The following TEX36 variants were observed in gnomAD, a reference collection of about 807,000 sequenced individuals.
TEX36 encodes testis-expressed protein 36.
TEX36 carries 12 observed loss-of-function variants against 13.6 expected under a neutral mutation model. The ratio of observed to expected loss-of-function variants is 0.88; its 90% confidence interval spans 0.56 to 1.43. TEX36 has a LOEUF of 1.43. TEX36 is among the 40% of genes most tolerant of loss of function. The pLI is 0.00. For synonymous variants in TEX36, 93 were observed against 83.0 expected, an observed-to-expected ratio of 1.12 and a Z score of -0.65; for missense variants, 224 against 228.3, an observed-to-expected ratio of 0.98 and a Z score of 0.12.
chr10:125,644,931 T>A (rs894950691), intron 3 of TEX36, among the ~76,000 whole-genome samples: 1 of 152,140 alleles, frequency 6.6e-6, no homozygotes, highest in African/African-American at 2.4e-5. Context: ...TTGCTGGGAT[T>A]GGAGATGGAG....
At chr10:125,582,826 A>G (rs1845899459) in intron 3 of TEX36, among the ~76,000 whole-genome samples, 1 of 152,220 alleles carries the variant, frequency 6.6e-6, no homozygotes, top group Admixed American at 6.5e-5. Context: ...CATTTTAATA[A>G]TGTCAATATA....
Position 125,629,332 on chromosome 10 carries a change from C to A in TEX36, c.265-7687G>T, listed in dbSNP as rs180857494. Among the ~76,000 whole-genome samples, 3 of 152,290 alleles carry A rather than the reference C, an allele frequency of 2.0e-5. No individual in the cohort carries two copies. In the East Asian group the frequency reaches 5.8e-4, roughly 29 times the overall value. On this transcript the variant is annotated intron_variant, in intron 3 of 3. Transcript: ENST00000526819. ...TGTTCTGAGAAACCTGTTTCCTCATCTTTCTTGAAGAAATTGAGGCGACTT... is the reference window on the plus strand; with the variant it reads ...TGTTCTGAGAAACCTGTTTCCTCATATTTCTTGAAGAAATTGAGGCGACTT...
intron 1 of TEX36, among the ~76,000 whole-genome samples, chr10:125,662,775 G>A (rs1847067995): frequency 6.6e-6 from 1 of 152,192 alleles, no homozygotes; most frequent in Non-Finnish European, 1.5e-5. Context: ...ACCCTAGGGA[G>A]GCAGCTCTCT....
intron 3 of TEX36, among the ~76,000 whole-genome samples, chr10:125,588,822 G>T (rs1185995868): frequency 6.6e-6 from 1 of 152,150 alleles, no homozygotes; most frequent in Non-Finnish European, 1.5e-5. Flanking sequence ...CACCATGTTG[G>T]CCAGGATGGT....
chr10:125,606,255 T>C, intron 3 of TEX36, among the ~76,000 whole-genome samples: 1 of 152,240 alleles, frequency 6.6e-6, no homozygotes, highest in East Asian at 1.9e-4. Flanking sequence ...AAGACATCAA[T>C]AGATTCCTAT....
chr10:125,676,077 A>G (rs1847306042), intron 1 of TEX36, among the ~76,000 whole-genome samples: 1 of 152,234 alleles, frequency 6.6e-6, no homozygotes, highest in South Asian at 2.1e-4. Context: ...GATGAAAAGA[A>G]TGTATATTCT....
intron 3 of TEX36, among the ~76,000 whole-genome samples, chr10:125,628,130 A>T (rs893002200): frequency 1.3e-5 from 2 of 152,224 alleles, no homozygotes; most frequent in Non-Finnish European, 2.9e-5. Flanking sequence ...CACCTGAAGG[A>T]AAAAAATGCA....
Position 125,655,912 on chromosome 10 carries a change from T to C in TEX36, c.549A>G (p.Ser183=), listed in dbSNP as rs1402425936. The change falls in exon 4 of 4, where the codon TCA becomes TCG. Residue 183 remains serine, a synonymous_variant. Transcript: ENST00000368821. ...TCTTCTGGGAGGATTAGGACTCCAGTGAAGAAACAACCTTTTTGTCAACAG... is the reference window on the plus strand; with the variant it reads ...TCTTCTGGGAGGATTAGGACTCCAGCGAAGAAACAACCTTTTTGTCAACAG... ...RFTVDKKVVS[S]LES 8 of 1,524,878 alleles carry C rather than the reference T, an allele frequency of 5.2e-6. No homozygotes were observed. Among genetic ancestry groups the C allele is most frequent in the Non-Finnish European group, 7.1e-6 (8 of 1,133,750 alleles). The allele number at this position is 1,524,878 out of a possible 1,614,324, so 94.5% of individuals were successfully genotyped here. A position where few individuals can be genotyped will look rare whatever the true frequency, so the allele number is the denominator to read the frequency against.
At position 125,636,683 on chromosome 10, in the gene TEX36, C is replaced by T. The variant is rs543045525; in HGVS notation, c.265-15038G>A. ...TGTGACCCACCATCGTATCAGTGGCCGGTCCCCGAACCCACTCAGGCCAGT... is the reference window on the plus strand; with the variant it reads ...TGTGACCCACCATCGTATCAGTGGCTGGTCCCCGAACCCACTCAGGCCAGT... On this transcript the variant is annotated intron_variant, in intron 3 of 3. Transcript: ENST00000526819. Among the ~76,000 whole-genome samples the T allele has an allele frequency of 4.5e-4, 69 of 152,270 alleles. 1 individual carries two copies. In the South Asian group the frequency reaches 0.013, roughly 29 times the overall value.
chr10:125,602,861 A>G (rs1003614738), intron 3 of TEX36, among the ~76,000 whole-genome samples: 3 of 152,258 alleles, frequency 2.0e-5, no homozygotes, highest in African/African-American at 7.2e-5. Context: ...CTCGTTAAGA[A>G]TACATCAAAC....
intron 3 of TEX36, among the ~76,000 whole-genome samples, chr10:125,593,780 GT>G (rs1360347768): frequency 3.3e-5 from 5 of 152,210 alleles, no homozygotes; most frequent in Non-Finnish European, 7.3e-5. Flanking sequence ...GGGAATTCGT[GT>G]TTGATGGGCA....
At chr10:125,609,097 G>A (rs1345503926) in intron 3 of TEX36, among the ~76,000 whole-genome samples, 2 of 150,942 alleles carry the variant, frequency 1.3e-5, no homozygotes, top group African/African-American at 4.9e-5. Flanking sequence ...GGAAGTTGCA[G>A]TGAGCCGAGA....
intron 1 of TEX36, chr10:125,666,963 C>A: frequency 3.1e-6 from 3 of 959,120 alleles, no homozygotes; most frequent in South Asian, 3.2e-5. Context: ...ACAGGCCAGG[C>A]TGTTGGCCAC....
intron 3 of TEX36, among the ~76,000 whole-genome samples, chr10:125,637,490 G>A (rs531014141): frequency 8.5e-5 from 13 of 152,184 alleles, no homozygotes; most frequent in East Asian, 1.9e-4. Flanking sequence ...CCTGTTGACC[G>A]GATGTCCAGG....
At chr10:125,651,879 T>C (rs1846865325), downstream of TEX36, among the ~76,000 whole-genome samples, 2 of 152,166 alleles carry the variant, frequency 1.3e-5, no homozygotes. Flanking sequence ...AAATCATGAG[T>C]GAACTCCCAT....
intron 3 of TEX36, among the ~76,000 whole-genome samples, chr10:125,592,128 G>T (rs1846027843): frequency 1.3e-5 from 2 of 152,206 alleles, no homozygotes; most frequent in Non-Finnish European, 2.9e-5. Context: ...TTGAGCACTG[G>T]TTTATTTTTC....
chr10:125,609,157 G>GA (rs1846258184), intron 3 of TEX36, among the ~76,000 whole-genome samples: 9 of 102,888 alleles, frequency 8.7e-5, no homozygotes, highest in African/African-American at 5.2e-4. Flanking sequence ...TCCATCTCAG[G>GA]AAAAAACAAA....
chr10:125,581,066 C>T (rs1023719674), intron 3 of TEX36, among the ~76,000 whole-genome samples: 6 of 152,162 alleles, frequency 3.9e-5, no homozygotes, highest in Non-Finnish European at 5.9e-5. Flanking sequence ...TCCATAGCCC[C>T]GGCCCACCTG....
downstream of TEX36, among the ~76,000 whole-genome samples, chr10:125,651,309 G>A (rs1381930594): frequency 5.3e-5 from 8 of 152,118 alleles, no homozygotes; most frequent in Non-Finnish European, 8.8e-5. Context: ...TGATCAAGTT[G>A]GCTTCATCCC....
Sources: gnomAD v4.1 joint callset for allele counts (sites outside exome capture counted in the v4.1 genomes callset) on GRCh38, gnomAD v4.1.1 for gene constraint, MANE v1.5 for transcripts, NCBI Gene and HGNC (gene_info 2026-07-23, HGNC 2026-07-21) for gene names.